Variants in MID1 observed in about 807,000 individuals in gnomAD.
MID1 encodes the protein E3 ubiquitin-protein ligase Midline-1.
In MID1, 7 loss-of-function variants were observed where a neutral mutation model predicts 40.4. That is an observed-to-expected ratio of 0.17 (90% CI 0.10 to 0.33). The LOEUF (loss-of-function observed/expected upper bound fraction) is 0.33. Among genes scored for constraint, MID1 ranks in the 10% least tolerant of loss-of-function variants. MID1 has a pLI of 1.00. For synonymous variants in MID1, 229 were observed against 221.2 expected, an observed-to-expected ratio of 1.04 and a Z score of -0.31; for missense variants, 367 against 558.5, an observed-to-expected ratio of 0.66 and a Z score of 3.46.
At chrX:10,637,749 T>A (rs1488020382) in intron 1 of MID1, among the ~76,000 whole-genome samples, 3 of 112,025 alleles carry the variant, frequency 2.7e-5, no homozygotes, top group Non-Finnish European at 5.6e-5. Context: ...ATTAGAATTA[T>A]CTGGGCTCCT....
At chrX:10,473,244 T>G (rs995966466) in intron 6 of MID1, among the ~76,000 whole-genome samples, 5 of 112,862 alleles carry the variant, frequency 4.4e-5, no homozygotes, top group African/African-American at 1.6e-4. Flanking sequence ...TATTGGATAG[T>G]GTCAGTTTAA....
intron 1 of MID1, among the ~76,000 whole-genome samples, chrX:10,796,389 T>C (rs767805729): frequency 1.8e-5 from 2 of 109,435 alleles, no homozygotes; most frequent in South Asian, 8.3e-4. Flanking sequence ...TTTTAAGGGC[T>C]GTTTACAGAA....
chrX:10,767,689 T>A (rs944333666), intron 1 of MID1, among the ~76,000 whole-genome samples: 1 of 112,003 alleles, frequency 8.9e-6, no homozygotes, highest in Non-Finnish European at 1.9e-5. Flanking sequence ...AACAGGATTT[T>A]ACTGTTTGGT....
intron 1 of MID1, among the ~76,000 whole-genome samples, chrX:10,651,826 C>T (rs1379922834): frequency 9.0e-6 from 1 of 111,275 alleles, no homozygotes; most frequent in Admixed American, 9.6e-5. Context: ...CGGGGTCCCA[C>T]CATGTTGCCC....
intron 1 of MID1, among the ~76,000 whole-genome samples, chrX:10,601,353 T>G (rs1935515293): frequency 8.9e-6 from 1 of 112,381 alleles, no homozygotes; most frequent in African/African-American, 3.2e-5. Context: ...TAAGAATGGT[T>G]CTTACATTTT....
rs2042927153 is a variant in MID1, at chrX:10,663,105, C to CTT, written c.-186-42688_-186-42687dup. 2.7e-5 allele frequency among the ~76,000 whole-genome samples: 3 copies of CTT among 110,247 alleles called. No homozygotes were observed. The Admixed American group carries it at 2.9e-4, about 11-fold the overall frequency. On this transcript the variant is annotated intron_variant, in intron 1 of 10. Transcript: ENST00000380785. Reference sequence around the variant, plus strand: ...CTGTATCATAACCCCTTTCTCTTTTCTTTTTTTTTAAAGTTTAGTTGAGAT... The same window carrying CTT: ...CTGTATCATAACCCCTTTCTCTTTTCTTTTTTTTTTTAAAGTTTAGTTGAGAT...
chrX:10,756,434 T>C (rs972252951), intron 1 of MID1, among the ~76,000 whole-genome samples: 1 of 112,469 alleles, frequency 8.9e-6, no homozygotes, highest in Admixed American at 9.4e-5. Flanking sequence ...CTAATTAATA[T>C]GCTAAATTAC....
At chrX:10,772,109 C>T (rs2043774810) in intron 1 of MID1, among the ~76,000 whole-genome samples, 1 of 110,210 alleles carries the variant, frequency 9.1e-6, no homozygotes, top group Admixed American at 9.8e-5. Flanking sequence ...GGCCATCAAT[C>T]AAGTAGTGGA....
At chrX:10,648,916 G>C (rs896405131) in intron 1 of MID1, among the ~76,000 whole-genome samples, 3 of 111,656 alleles carry the variant, frequency 2.7e-5, no homozygotes, top group Non-Finnish European at 5.6e-5. Context: ...ACAAGCAGGA[G>C]ATCAAGCCTT....
chrX:10,623,977 C>T (rs1457626424), upstream of MID1, among the ~76,000 whole-genome samples: 5 of 111,748 alleles, frequency 4.5e-5, no homozygotes, highest in Non-Finnish European at 9.4e-5. Flanking sequence ...TTGACAACAA[C>T]ATGAGTCCCC....
intron 2 of MID1, among the ~76,000 whole-genome samples, chrX:10,533,380 A>AAAGAAAG (rs1569089825): frequency 1.8e-4 from 11 of 60,308 alleles, no homozygotes; most frequent in South Asian, 1.4e-3. Context: ...AAGAAAGAAA[A>AAAGAAAG]AGAAAGAAAG....
intron 5 of MID1, among the ~76,000 whole-genome samples, chrX:10,480,266 G>T (rs1462030172): frequency 8.9e-6 from 1 of 112,335 alleles, no homozygotes; most frequent in Non-Finnish European, 1.9e-5. Context: ...GAGCTGAATG[G>T]GAGCAGATAC....
chrX:10,646,706 G>A (rs1413231879), intron 1 of MID1, among the ~76,000 whole-genome samples: 2 of 111,711 alleles, frequency 1.8e-5, no homozygotes, highest in East Asian at 5.6e-4. Flanking sequence ...GGGAAAAAGA[G>A]TATTCTTTGT....
At chrX:10,456,915 G>C (rs1352356611) in intron 8 of MID1, among the ~76,000 whole-genome samples, 1 of 111,939 alleles carries the variant, frequency 8.9e-6, no homozygotes, top group Admixed American at 9.5e-5. Context: ...GCAGGGATTG[G>C]ACATTCTCAG....
intron 1 of MID1, among the ~76,000 whole-genome samples, chrX:10,797,657 G>A (rs2043975740): frequency 9.0e-6 from 1 of 111,321 alleles, no homozygotes; most frequent in African/African-American, 3.3e-5. Context: ...ACTGAAATTA[G>A]ACCCAGGAAT....
chrX:10,469,658 C>T, intron 7 of MID1, 39 bp downstream of exon 7: 1 of 1,211,105 alleles, frequency 8.3e-7, no homozygotes, highest in South Asian at 1.8e-5. Context: ...CTGAAGAAAG[C>T]CACCAAAGAC....
At chrX:10,824,139 T>C (rs1012111732) in intron 1 of MID1, among the ~76,000 whole-genome samples, 1 of 111,792 alleles carries the variant, frequency 8.9e-6, no homozygotes, top group African/African-American at 3.3e-5. Flanking sequence ...TTTTATTAAC[T>C]AATTTATGAC....
chrX:10,758,354 T>C, intron 1 of MID1, among the ~76,000 whole-genome samples: 1 of 109,592 alleles, frequency 9.1e-6, no homozygotes, highest in Middle Eastern at 4.7e-3. Flanking sequence ...CTAAATAGGT[T>C]TATTTGTTCT....
intron 3 of MID1, among the ~76,000 whole-genome samples, chrX:10,520,495 G>A (rs1295199091): frequency 1.8e-5 from 2 of 111,962 alleles, no homozygotes; most frequent in Non-Finnish European, 3.8e-5. Context: ...TTGCTACATT[G>A]TGCATCTACT....
Sources: allele counts gnomAD v4.1 joint callset (sites outside exome capture counted in the v4.1 genomes callset), GRCh38; gene constraint gnomAD v4.1.1; transcripts MANE v1.5; gene names NCBI Gene and HGNC (gene_info 2026-07-23, HGNC 2026-07-21).